RASAL2: variants seen among roughly 807,000 people sequenced by gnomAD.
RASAL2 encodes ras GTPase-activating protein nGAP.
In RASAL2, 58 loss-of-function variants were observed where a neutral mutation model predicts 128.9. That is an observed-to-expected ratio of 0.45 (90% confidence interval 0.36 to 0.56). The LOEUF (loss-of-function observed/expected upper bound fraction) is 0.56. RASAL2 is among the 20% of genes least tolerant of loss of function. The pLI is 0.00. For synonymous variants in RASAL2, 561 were observed against 580.8 expected (o/e 0.97, Z 0.49); for missense variants, 1,360 against 1,601.6 (o/e 0.85, Z 2.57).
intron 3 of RASAL2, chr1:178,389,316 C>A: frequency 1.1e-6 from 1 of 950,682 alleles, no homozygotes. Context: ...AGGTATAATA[C>A]GTATATATCT....
At chr1:178,382,425 A>G (rs1290205241) in intron 3 of RASAL2, among the ~76,000 whole-genome samples, 3 of 152,194 alleles carry the variant, frequency 2.0e-5, no homozygotes, top group African/African-American at 7.2e-5. Flanking sequence ...TTCTCTTTAA[A>G]ATATGAAGAA....
At chr1:178,125,773 T>A (rs959486217) in intron 1 of RASAL2, among the ~76,000 whole-genome samples, 4 of 152,190 alleles carry the variant, frequency 2.6e-5, no homozygotes, top group African/African-American at 9.6e-5. Flanking sequence ...TAGGGATATA[T>A]AATCCTACAT....
rs575603259 is a variant in RASAL2, at chr1:178,291,759, G to A, written c.330+8068G>A. ...TTAAGAATTATAAAGAATGTGGGCC[G>A]GGCACGGCGGCTCACACCTGGAATC... On this transcript the variant is annotated intron_variant, in intron 2 of 17. Transcript: ENST00000367649. 9.1e-4 allele frequency among the ~76,000 whole-genome samples: 138 copies of A among 152,278 alleles called. 7 individuals carry two copies. The South Asian group carries it at 0.028, about 31-fold the overall frequency.
chr1:178,170,446 A>G (rs1661668261), intron 1 of RASAL2, among the ~76,000 whole-genome samples: 1 of 151,774 alleles, frequency 6.6e-6, no homozygotes, highest in African/African-American at 2.4e-5. Flanking sequence ...GTAGTAAAAT[A>G]TATAATCAGA....
At chr1:178,390,694 T>C (rs565507199) in intron 4 of RASAL2, among the ~76,000 whole-genome samples, 1 of 152,298 alleles carries the variant, frequency 6.6e-6, no homozygotes, top group East Asian at 1.9e-4. Flanking sequence ...CTACTTTCAG[T>C]ATAATATTTA....
At chr1:178,469,578 A>T (rs1415692242) in intron 17 of RASAL2, among the ~76,000 whole-genome samples, 1 of 152,184 alleles carries the variant, frequency 6.6e-6, no homozygotes, top group Non-Finnish European at 1.5e-5. Context: ...TAGGAATGGG[A>T]GAAATGCTAT....
At chr1:178,259,835 A>T (rs1665576049) in intron 1 of RASAL2, among the ~76,000 whole-genome samples, 1 of 152,046 alleles carries the variant, frequency 6.6e-6, no homozygotes, top group South Asian at 2.1e-4. Context: ...AAGTGCTGAG[A>T]TTACGGGGAT....
chr1:178,362,327 C>T (rs370160725), intron 3 of RASAL2, among the ~76,000 whole-genome samples: 2 of 151,916 alleles, frequency 1.3e-5, no homozygotes, highest in Non-Finnish European at 2.9e-5. Context: ...CCATGGATAC[C>T]GAGAGATTAC....
chr1:178,120,066 C>T (rs1659659040), intron 1 of RASAL2, among the ~76,000 whole-genome samples: 1 of 152,186 alleles, frequency 6.6e-6, no homozygotes, highest in Non-Finnish European at 1.5e-5. Flanking sequence ...TGCTTCTGTA[C>T]TTGATATTCA....
At chr1:178,437,542 A>G (rs1676333722) in intron 5 of RASAL2, among the ~76,000 whole-genome samples, 1 of 152,136 alleles carries the variant, frequency 6.6e-6, no homozygotes, top group African/African-American at 2.4e-5. Context: ...TTAAAAAATA[A>G]AAGTTGCCTT....
In RASAL2 at chr1:178,225,283, CATACTT is replaced by C. The variant is rs556535195; in HGVS notation, c.203-58277_203-58272del. On this transcript the variant is annotated intron_variant, in intron 1 of 17. Transcript: ENST00000367649. ...TCTGCTTTCAAAAGGAATGAAAACACATACTTATAAAATTTGATATATGATAGAAAT... is the reference window on the plus strand; with the variant it reads ...TCTGCTTTCAAAAGGAATGAAAACACATAAAATTTGATATATGATAGAAAT... Among the ~76,000 whole-genome samples the C allele has an allele frequency of 8.4e-4, 127 of 151,820 alleles. 1 individual carries two copies. The highest frequency in any genetic ancestry group is 2.9e-3 in the African/African-American group (120 of 41,488).
In RASAL2 at chr1:178,473,273, T is replaced by C. The variant is rs765311758; in HGVS notation, c.*34T>C. ...GTCTGTGGAAGGAGACAGAAGGAAA[T>C]TGACCCACTCTCCTATCTCCAGACC... is the stretch of plus-strand genomic sequence containing the variant. On this transcript the variant is annotated 3_prime_UTR_variant, in exon 18 of 18. Coordinates refer to ENST00000367649, the MANE Select transcript of RASAL2 (RefSeq NM_170692.4). 3.1e-6 allele frequency: 5 copies of C among 1,612,266 alleles called. No individual in the cohort carries two copies. Among genetic ancestry groups the C allele is most frequent in the South Asian group, 2.2e-5 (2 of 91,004 alleles).
At chr1:178,287,014 T>C (rs1031482285) in intron 2 of RASAL2, among the ~76,000 whole-genome samples, 3 of 152,140 alleles carry the variant, frequency 2.0e-5, no homozygotes, top group African/African-American at 4.8e-5. Context: ...CTAGGACCCA[T>C]TGATCCTGTC....
At chr1:178,364,773 T>C (rs1671313797) in intron 3 of RASAL2, among the ~76,000 whole-genome samples, 1 of 152,202 alleles carries the variant, frequency 6.6e-6, no homozygotes, top group Admixed American at 6.5e-5. Flanking sequence ...GAATTGTATA[T>C]ACTATGAGTA....
chr1:178,288,264 A>G (rs999055753), intron 2 of RASAL2, among the ~76,000 whole-genome samples: 3 of 152,236 alleles, frequency 2.0e-5, no homozygotes, highest in African/African-American at 4.8e-5. Context: ...AACACAGTCC[A>G]GAATAATTTC....
intron 12 of RASAL2, chr1:178,456,503 T>C: frequency 3.1e-6 from 2 of 638,064 alleles, no homozygotes; most frequent in East Asian, 2.5e-5. Flanking sequence ...CTTTCCTCGA[T>C]GTCTGCCGCA....
chr1:178,385,378 A>C (rs1056948247), intron 3 of RASAL2, among the ~76,000 whole-genome samples: 1 of 152,112 alleles, frequency 6.6e-6, no homozygotes, highest in African/African-American at 2.4e-5. Context: ...TGGAGTTTGT[A>C]GTGAGCCCAG....
At chr1:178,430,193 C>A (rs1378157931) in intron 5 of RASAL2, among the ~76,000 whole-genome samples, 2 of 151,992 alleles carry the variant, frequency 1.3e-5, no homozygotes, top group Admixed American at 1.3e-4. Context: ...GAATTACAAT[C>A]TTTTAAAATA....
At position 178,124,475 on chromosome 1, in the gene RASAL2, GA is replaced by G. The variant is rs201387243; in HGVS notation, c.202+29784del. Among the ~76,000 whole-genome samples the G allele has an allele frequency of 5.0e-3, 766 of 152,304 alleles. 14 individuals carry two copies. The highest frequency in any genetic ancestry group is 0.018 in the African/African-American group (737 of 41,542). On this transcript the variant is annotated intron_variant, in intron 1 of 17. Coordinates refer to ENST00000367649, the MANE Select transcript of RASAL2 (RefSeq NM_170692.4). ...CTAGGCTGAGAAACTCTGCCTTAGA[GA>G]AATGTTTTCTAAAATATAATTTAGT... is the stretch of plus-strand genomic sequence containing the variant.
Sources: allele counts gnomAD v4.1 joint callset (sites outside exome capture counted in the v4.1 genomes callset), GRCh38; gene constraint gnomAD v4.1.1; transcripts MANE v1.5; gene names NCBI Gene and HGNC (gene_info 2026-07-23, HGNC 2026-07-21).